The following SLC4A9 variants were observed in gnomAD, a reference collection of about 807,000 sequenced individuals.
SLC4A9 encodes the protein anion exchange protein 4.
SLC4A9 carries 102 observed loss-of-function variants against 103.2 expected under a neutral mutation model. That is an observed-to-expected ratio of 0.99 (90% CI 0.84 to 1.17). The LOEUF (loss-of-function observed/expected upper bound fraction) is 1.17, where lower values mean the gene tolerates loss of function less well. Among genes scored for constraint, SLC4A9 ranks in the 50% most tolerant of loss-of-function variants. SLC4A9 has a pLI of 0.00. For synonymous variants in SLC4A9, 453 were observed against 483.6 expected (o/e 0.94, Z 0.83); for missense variants, 1,091 against 1,193.7 (o/e 0.91, Z 1.27).
In SLC4A9 at chr5:140,364,129, A is replaced by G; in HGVS notation, c.1330A>G (p.Ile444Val). 6.3e-7 allele frequency: 1 copy of G among 1,594,440 alleles called. No individual in the cohort carries two copies. The highest frequency in any genetic ancestry group is 8.5e-7 in the Non-Finnish European group (1 of 1,169,876). Residue 444 changes from isoleucine (I) to valine (V), a missense_variant, in exon 10 of 22, where the codon ATT becomes GTT. By Grantham distance (29) the Ile-to-Val change is conservative (BLOSUM62 3). Coordinates refer to ENST00000506757, the MANE Select transcript of SLC4A9 (RefSeq NM_031467.3). ...FCLMAGQPLTILSSTGPVLVF... is the reference protein window; with the variant it reads ...FCLMAGQPLTVLSSTGPVLVF... ...CCTGATGGCAGGCCAGCCCCTCACC[A>G]TTCTGAGCAGCACGGGGCCAGTGCT...
At position 140,363,434 on chromosome 5, in the gene SLC4A9, C is replaced by T. The variant is rs913703739; in HGVS notation, c.963-5C>T. On this transcript the variant is annotated splice_polypyrimidine_tract_variant and splice_region_variant and intron_variant, in intron 7 of 21. Transcript: ENST00000506757. The surrounding 1 kb of genome is among the most constrained non-coding windows in gnomAD (Gnocchi z 4.5). The stretch of plus-strand genomic sequence containing the variant: ...CAGCCAACCTGGGGTTCCCCTCCTC[C>T]TCAGGCTTCCCTCGCAACAGCGGGA... The T allele has an allele frequency of 1.3e-6, 2 of 1,551,036 alleles. No individual in the cohort carries two copies. The highest frequency in any genetic ancestry group is 2.7e-5 in the African/African-American group (2 of 73,044).
Position 140,367,807 on chromosome 5 carries a change from G to T in SLC4A9, c.2263G>T (p.Ala755Ser). Residue 755 changes from alanine to serine, a missense_variant, in exon 16 of 22, where the codon GCC (alanine) becomes TCC (serine). Coordinates refer to ENST00000506757, the MANE Select transcript of SLC4A9 (RefSeq NM_031467.3). ...GCTTGGACTGCCTTGGTATGTCTCA[G>T]CCACTGTCATCTCCCTGGCTCACAT... ...SALGLPWYVSATVISLAHMDS... is the reference protein window; with the variant it reads ...SALGLPWYVSSTVISLAHMDS... The T allele has an allele frequency of 6.2e-7, 1 of 1,614,010 alleles. No individual in the cohort carries two copies. The highest frequency in any genetic ancestry group is 8.5e-7 in the Non-Finnish European group (1 of 1,179,906).
intron 5 of SLC4A9, 94 bp from the exon 6 acceptor site, chr5:140,362,351 A>T (rs1305546250): frequency 5.2e-6 from 7 of 1,338,072 alleles, no homozygotes; most frequent in Middle Eastern, 3.6e-4. Flanking sequence ...GAGTGTGTTT[A>T]TGGGAGCTGA....
chr5:140,365,911 C>G lies in SLC4A9; in HGVS notation c.1788C>G (p.Gly596=), dbSNP rs763106509. 3.1e-6 allele frequency: 5 copies of G among 1,614,050 alleles called. No individual in the cohort carries two copies. In the South Asian group the frequency reaches 5.5e-5, roughly 18 times the overall value. The stretch of plus-strand genomic sequence containing the variant: ...AGGGAGGCCACCCTCGTGGCCCTGG[C>G]TGTCATACAGTCCCAGACATTGCCT... The part of the protein sequence containing the change: ...TRQGGHPRGP[G]CHTVPDIAFF... The change falls in exon 13 of 22, where the codon GGC becomes GGG. Residue 596 remains glycine (G), a synonymous_variant. Transcript: ENST00000506757.
At chr5:140,367,390 C>G in intron 14 of SLC4A9, 30 bp from the exon 15 acceptor site, 1 of 1,605,082 alleles carries the variant, frequency 6.2e-7, no homozygotes, top group South Asian at 1.1e-5. Context: ...GAGACCCACT[C>G]CAACCTGTCC....
chr5:140,365,896 CCCTCGTGG>C lies in SLC4A9; in HGVS notation c.1776_1783del (p.Arg593TrpfsTer59). On this transcript the variant is annotated frameshift_variant, in exon 13 of 22. Coordinates refer to ENST00000506757, the MANE Select transcript of SLC4A9 (RefSeq NM_031467.3). LOFTEE classifies it high-confidence loss of function. ...CTGAGTGCACCCGGCAGGGAGGCCACCCTCGTGGCCCTGGCTGTCATACAGTCCCAGAC... is the reference window on the plus strand; with the variant it reads ...CTGAGTGCACCCGGCAGGGAGGCCACCCCTGGCTGTCATACAGTCCCAGAC... 6.2e-7 allele frequency: 1 copy of C among 1,614,012 alleles called. No individual in the cohort carries two copies. The highest frequency in any genetic ancestry group is 8.5e-7 in the Non-Finnish European group (1 of 1,179,892).
Position 140,371,603 on chromosome 5 carries a change from A to AC in SLC4A9, c.2649_2650insC (p.Ala884ArgfsTer32). ...TTTGGATAATCAAGTCTACCCCTGC[A>AC]GCCATCATCTTCCCCCTCATGGTAA... On this transcript the variant is annotated frameshift_variant, in exon 19 of 22. Coordinates refer to ENST00000506757, the MANE Select transcript of SLC4A9 (RefSeq NM_031467.3). LOFTEE classifies it high-confidence loss of function. The AC allele has an allele frequency of 6.2e-7, 1 of 1,614,026 alleles. No individual in the cohort carries two copies. Among genetic ancestry groups the AC allele is most frequent in the African/African-American group, 1.3e-5 (1 of 75,060 alleles).
intron 14 of SLC4A9, among the ~76,000 whole-genome samples, chr5:140,367,003 CT>C (rs1233483939): frequency 1.3e-5 from 2 of 152,164 alleles, no homozygotes; most frequent in Non-Finnish European, 2.9e-5. Flanking sequence ...AACACATATG[CT>C]TGTAATCAGC....
At chr5:140,362,557 T>C (rs147969532) in intron 6 of SLC4A9, 25 bp downstream of exon 6, 455 of 1,594,738 alleles carry the variant, frequency 2.9e-4, no homozygotes, top group Middle Eastern at 1.3e-3. Flanking sequence ...TGTGTGTGTG[T>C]GCGCGCGCAC....
chr5:140,367,366 T>G, intron 14 of SLC4A9, 54 bp from the exon 15 acceptor site: 83 of 1,568,590 alleles, frequency 5.3e-5, no homozygotes, highest in Non-Finnish European at 6.5e-5. Context: ...GATGTGCAGG[T>G]GAGATGCTCT....
intron 6 of SLC4A9, 43 bp downstream of exon 6, chr5:140,362,575 T>A (rs1306579096): frequency 6.5e-7 from 1 of 1,544,038 alleles, no homozygotes; most frequent in Admixed American, 1.7e-5. Flanking sequence ...CACGCGTGCA[T>A]GCCTGTGTGT....
In SLC4A9 at chr5:140,367,420, C is replaced by T; in HGVS notation, c.2014C>T (p.Pro672Ser). ...CTGTCCATGAAATGCCCTCCTCCAG[C>T]CCACACTCCCTGGGCGTGGCTGGCT... is the stretch of plus-strand genomic sequence containing the variant. ...PKLMVPREFK[P>S]TLPGRGWLVS... is the part of the protein sequence containing the mutation. Residue 672 changes from proline (P) to serine (S), a missense_variant and splice_region_variant, in exon 15 of 22, where the codon CCC becomes TCC. Physicochemically the swap from Pro to Ser is moderately conservative, Grantham distance 74. Coordinates refer to ENST00000506757, the MANE Select transcript of SLC4A9 (RefSeq NM_031467.3). 1.2e-6 allele frequency: 2 copies of T among 1,611,650 alleles called. No individual in the cohort carries two copies. The highest frequency in any genetic ancestry group is 1.7e-6 in the Non-Finnish European group (2 of 1,179,086).
intron 21 of SLC4A9, among the ~76,000 whole-genome samples, chr5:140,374,254 C>T (rs1769160335): frequency 1.3e-5 from 2 of 150,846 alleles, no homozygotes; most frequent in Non-Finnish European, 3.0e-5. Context: ...TCATGCTTCT[C>T]CAAGCTCAAG....
chr5:140,366,303 A>C, intron 14 of SLC4A9, 39 bp downstream of exon 14: 3 of 1,433,012 alleles, frequency 2.1e-6, no homozygotes, highest in Non-Finnish European at 2.9e-6. Context: ...CCAGAGGGGA[A>C]AGCAGGGCCA....
Position 140,373,451 on chromosome 5 carries a change from T to G in SLC4A9, c.*45+608T>G, listed in dbSNP as rs146729320. Among the ~76,000 whole-genome samples, 1,142 of 152,236 alleles carry G rather than the reference T, an allele frequency of 7.5e-3. 11 individuals are homozygous for G. The highest frequency in any genetic ancestry group is 0.013 in the Non-Finnish European group (901 of 68,010). Reference sequence around the variant, plus strand: ...GACAATTGTTAGAGTGGGATAGTGCTGATAAGGGAATAACAGGGGCCATGG... The same window carrying G: ...GACAATTGTTAGAGTGGGATAGTGCGGATAAGGGAATAACAGGGGCCATGG... On this transcript the variant is annotated intron_variant, in intron 21 of 21. Transcript: ENST00000506757.
At chr5:140,371,276 C>T (rs1458731335) in intron 18 of SLC4A9, 113 bp downstream of exon 18, 1 of 1,401,496 alleles carries the variant, frequency 7.1e-7, no homozygotes, top group Non-Finnish European at 9.9e-7. Context: ...CTGGCATCTC[C>T]TGCTTACACT....
chr5:140,374,130 A>C (rs576547242), intron 21 of SLC4A9, among the ~76,000 whole-genome samples: 35 of 152,012 alleles, frequency 2.3e-4, no homozygotes, highest in Non-Finnish European at 3.8e-4. Context: ...CGGAAGTTGC[A>C]GTGAGCCGAG....
rs769035282 is a variant in SLC4A9 at position 140,366,199 on chromosome 5, G to A, written c.1948G>A (p.Gly650Ser). 41 of 1,611,182 alleles carry A rather than the reference G, an allele frequency of 2.5e-5. No homozygotes were observed. Among genetic ancestry groups the A allele is most frequent in the South Asian group, 1.9e-4 (17 of 90,782 alleles). Residue 650 changes from glycine (G) to serine (S), a missense_variant, in exon 14 of 22, where the codon GGC (glycine) becomes AGC (serine). Physicochemically the swap from Gly to Ser is moderately conservative, Grantham distance 56. Coordinates refer to ENST00000506757, the MANE Select transcript of SLC4A9 (RefSeq NM_031467.3). ...CTCCTCAGTCCTGGCCATCCTGCTC[G>A]GCTGTGGCCTTGATGCTTTCCTGGG... ...DFSSVLAILL[G>S]CGLDAFLGLA...
rs1350344572 is a variant in SLC4A9, at chr5:140,362,476, C to A, written c.751C>A (p.Leu251Met). The change falls in exon 6 of 22, where the codon CTG becomes ATG. Residue 251 changes from leucine (L) to methionine (M), a missense_variant. By Grantham distance (15) the Leu-to-Met change is conservative (BLOSUM62 2). Coordinates refer to ENST00000506757, the MANE Select transcript of SLC4A9 (RefSeq NM_031467.3). ...CTGCCTTCTCCTGGGCCCCTGTATGCTGGGAAAGGGCTACCATGAGATGGG... is the reference window on the plus strand; with the variant it reads ...CTGCCTTCTCCTGGGCCCCTGTATGATGGGAAAGGGCTACCATGAGATGGG... ...FFCLLLGPCM[L>M]GKGYHEMGRA... The A allele has an allele frequency of 7.4e-6, 12 of 1,614,026 alleles. No individual in the cohort carries two copies. Among genetic ancestry groups the A allele is most frequent in the Non-Finnish European group, 9.3e-6 (11 of 1,179,886 alleles).
Sources: gnomAD v4.1 joint callset for allele counts (sites outside exome capture counted in the v4.1 genomes callset) on GRCh38, gnomAD v4.1.1 for gene constraint, Gnocchi (gnomAD v3.1) non-coding constraint, MANE v1.5 for transcripts, NCBI Gene and HGNC (gene_info 2026-07-23, HGNC 2026-07-21) for gene names.